Variants in FAT3 observed in about 807,000 individuals in gnomAD.
FAT3 encodes protocadherin Fat 3.
A neutral mutation model predicts 310.2 loss-of-function variants in FAT3; 95 were observed. The ratio of observed to expected loss-of-function variants is 0.31; its 90% CI spans 0.26 to 0.36. The LOEUF is 0.36. FAT3 is among the 10% of genes least tolerant of loss of function. The pLI, the probability that FAT3 is intolerant of heterozygous loss-of-function variation, is 1.00. For synonymous variants in FAT3, 2,314 were observed against 2,192.9 expected, an observed-to-expected ratio of 1.06 and a Z score of -1.54; for missense variants, 5,408 against 5,715.6, an observed-to-expected ratio of 0.95 and a Z score of 1.74.
chr11:92,886,421 G>A (rs61230665), intron 24 of FAT3, among the ~76,000 whole-genome samples: 4,437 of 152,076 alleles, frequency 0.029, 231 homozygotes, highest in African/African-American at 0.1. Context: ...GTGGTTAAGG[G>A]CATATCCACA....
Position 92,415,849 on chromosome 11 carries a change from CTTTTTTTTTT to C in FAT3, c.3292+60460_3292+60469del, listed in dbSNP as rs1196695394. ...CAATCTTTTAGCATAAGCATTTTTGCTTTTTTTTTTTTTTTTTTTTTTTTAAGAGATTAGG... is the reference window on the plus strand; with the variant it reads ...CAATCTTTTAGCATAAGCATTTTTGCTTTTTTTTTTTTTTAAGAGATTAGG... On this transcript the variant is annotated intron_variant, in intron 2 of 27. Coordinates refer to ENST00000525166, the MANE Select transcript of FAT3 (RefSeq NM_001367949.2). Among the ~76,000 whole-genome samples the C allele has an allele frequency of 1.3e-4, 9 of 70,440 alleles. 1 individual carries two copies. The highest frequency in any genetic ancestry group is 1.7e-4 in the Non-Finnish European group (6 of 35,814). The allele number at this position is 70,440 out of a possible 152,430, so 46.2% of individuals were successfully genotyped here. A position where few individuals can be genotyped will look rare whatever the true frequency, so the allele number is the denominator to read the frequency against.
intron 4 of FAT3, among the ~76,000 whole-genome samples, chr11:92,749,517 C>T (rs1488540735): frequency 6.6e-6 from 1 of 152,228 alleles, no homozygotes; most frequent in Non-Finnish European, 1.5e-5. Context: ...CCTAAGCTCT[C>T]ATTTACTCTT....
intron 7 of FAT3, among the ~76,000 whole-genome samples, chr11:92,781,075 CTTT>C (rs10649331): frequency 3.3e-5 from 4 of 121,972 alleles, no homozygotes; most frequent in Admixed American, 8.9e-5. Flanking sequence ...TTTCTTTATT[CTTT>C]TTTTTTTTTT....
chr11:92,784,171 T>A (rs747847800), intron 7 of FAT3, among the ~76,000 whole-genome samples: 1 of 152,176 alleles, frequency 6.6e-6, no homozygotes, highest in Non-Finnish European at 1.5e-5. Context: ...TAATTCTCAT[T>A]TTCCCCACTG....
At chr11:92,616,945 AT>A (rs1940840706) in intron 3 of FAT3, among the ~76,000 whole-genome samples, 1 of 152,034 alleles carries the variant, frequency 6.6e-6, no homozygotes, top group South Asian at 2.1e-4. Context: ...GAATCTGACA[AT>A]TATGTATCTT....
chr11:92,621,601 G>A (rs1941091963), intron 3 of FAT3, among the ~76,000 whole-genome samples: 1 of 152,198 alleles, frequency 6.6e-6, no homozygotes, highest in African/African-American at 2.4e-5. Context: ...AGGTTCCACA[G>A]CACATGCAGC....
chr11:92,545,769 CT>C (rs1236217254), intron 3 of FAT3, among the ~76,000 whole-genome samples: 1 of 152,214 alleles, frequency 6.6e-6, no homozygotes, highest in Non-Finnish European at 1.5e-5. Context: ...GGGAATTTGC[CT>C]TGCCAAGCAT....
chr11:92,434,667 T>G (rs759016440), intron 2 of FAT3, among the ~76,000 whole-genome samples: 14 of 152,242 alleles, frequency 9.2e-5, no homozygotes, highest in Non-Finnish European at 1.5e-4. Flanking sequence ...GGACAGCTGC[T>G]TGACCTCACT....
intron 3 of FAT3, among the ~76,000 whole-genome samples, chr11:92,648,793 C>T (rs942842697): frequency 8.5e-5 from 13 of 152,178 alleles, no homozygotes; most frequent in Non-Finnish European, 1.6e-4. Flanking sequence ...TGCTCATTGC[C>T]TTGGACTGGT....
At chr11:92,875,655 C>T (rs900150493) in intron 22 of FAT3, among the ~76,000 whole-genome samples, 3 of 152,090 alleles carry the variant, frequency 2.0e-5, no homozygotes, top group Non-Finnish European at 4.4e-5. Context: ...TCAGGCTACC[C>T]GTGGTTTAAC....
chr11:92,341,469 C>T (rs78603592), intron 1 of FAT3, among the ~76,000 whole-genome samples: 4,016 of 152,034 alleles, frequency 0.026, 198 homozygotes, highest in African/African-American at 0.092. Context: ...ATGGGGAATA[C>T]GGGAGAGCCG....
chr11:92,888,250 C>T (rs1222319888), intron 25 of FAT3, among the ~76,000 whole-genome samples: 6 of 152,150 alleles, frequency 3.9e-5, no homozygotes, highest in African/African-American at 1.2e-4. Flanking sequence ...TGACCATTAT[C>T]GGAAGGTCAA....
At chr11:92,814,951 G>T (rs1014750892) in intron 13 of FAT3, among the ~76,000 whole-genome samples, 5 of 152,194 alleles carry the variant, frequency 3.3e-5, no homozygotes, top group Admixed American at 3.3e-4. Flanking sequence ...GAAGATAGGA[G>T]CCAGGAAGTT....
chr11:92,303,540 C>T (rs751223733), intron 1 of FAT3, among the ~76,000 whole-genome samples: 3 of 152,048 alleles, frequency 2.0e-5, no homozygotes, highest in Non-Finnish European at 2.9e-5. Flanking sequence ...TTTGAGGAGT[C>T]GAGTCCTGCA....
At chr11:92,467,922 T>C (rs1438549457) in intron 2 of FAT3, among the ~76,000 whole-genome samples, 3 of 152,196 alleles carry the variant, frequency 2.0e-5, no homozygotes, top group African/African-American at 7.2e-5. Context: ...CAGATGTATT[T>C]TGGAATTCAG....
chr11:92,564,376 G>T (rs1341043112), intron 3 of FAT3, among the ~76,000 whole-genome samples: 1 of 150,452 alleles, frequency 6.6e-6, no homozygotes, highest in African/African-American at 2.5e-5. Flanking sequence ...GGAGCACCCA[G>T]ATTCATAAAG....
chr11:92,590,457 C>G (rs1262121288), intron 3 of FAT3, among the ~76,000 whole-genome samples: 1 of 152,000 alleles, frequency 6.6e-6, no homozygotes, highest in Non-Finnish European at 1.5e-5. Flanking sequence ...AGGTAGAGGC[C>G]AAATTGTGGG....
At chr11:92,306,170 C>T (rs1947110878) in intron 1 of FAT3, among the ~76,000 whole-genome samples, 1 of 151,794 alleles carries the variant, frequency 6.6e-6, no homozygotes, top group African/African-American at 2.4e-5. Flanking sequence ...TAGCTAGTTA[C>T]CCTTCTAAGA....
At chr11:92,507,992 A>G (rs1953172960) in intron 2 of FAT3, among the ~76,000 whole-genome samples, 1 of 152,138 alleles carries the variant, frequency 6.6e-6, no homozygotes, top group African/African-American at 2.4e-5. Context: ...AAAAGGATGA[A>G]AGAAAATAGA....
Sources: gnomAD v4.1 joint callset for allele counts (sites outside exome capture counted in the v4.1 genomes callset) on GRCh38, gnomAD v4.1.1 for gene constraint, MANE v1.5 for transcripts, NCBI Gene and HGNC (gene_info 2026-07-23, HGNC 2026-07-21) for gene names.